SPEN: variants seen among roughly 807,000 people sequenced by gnomAD.
SPEN encodes spen family transcriptional repressor.
Under a neutral mutation model 269.9 loss-of-function variants are expected in SPEN, and 18 were observed. The observed-to-expected ratio is 0.07, with a 90% confidence interval of 0.05 to 0.10. SPEN has a LOEUF of 0.10. Among genes scored for constraint, SPEN ranks in the 10% least tolerant of loss-of-function variants. SPEN has a pLI of 1.00. For synonymous variants in SPEN, 1,726 were observed against 1,765.7 expected, an observed-to-expected ratio of 0.98 and a Z score of 0.56; for missense variants, 3,822 against 4,631.2, an observed-to-expected ratio of 0.83 and a Z score of 5.07.
Position 15,848,256 on chromosome 1 carries a change from G to T in SPEN, c.83+106G>T. ...GCGCGGAGCTGGTGAGGAGGACTCC[G>T]GCCCGGACCCACGGGCGCTGTGGGA... On this transcript the variant is annotated intron_variant, in intron 1 of 14. Transcript: ENST00000375759. This position sits in a 1 kb window ranked among gnomAD's most constrained non-coding sequence, Gnocchi z 5.1. The T allele has an allele frequency of 1.4e-6, 1 of 704,220 alleles. No individual in the cohort carries two copies. Among genetic ancestry groups the T allele is most frequent in the Non-Finnish European group, 2.0e-6 (1 of 490,202 alleles). 43.6% of individuals were successfully genotyped at this position (704,220 alleles called of 1,614,324 possible). A position where few individuals can be genotyped will look rare whatever the true frequency, so the allele number is the denominator to read the frequency against.
chr1:15,885,228 G>A (rs186187247), intron 3 of SPEN, among the ~76,000 whole-genome samples: 6 of 151,830 alleles, frequency 4.0e-5, no homozygotes, highest in Admixed American at 3.9e-4. Flanking sequence ...TTGAGATGGA[G>A]TCTCGCTCTG....
At chr1:15,856,749 A>G (rs10927868) in intron 1 of SPEN, among the ~76,000 whole-genome samples, 15,177 of 150,762 alleles carry the variant, frequency 0.1, 1,016 homozygotes, top group African/African-American at 0.18. Flanking sequence ...TGTGTTTTTA[A>G]TAGAGACGGG....
intron 3 of SPEN, among the ~76,000 whole-genome samples, chr1:15,898,042 C>G (rs1215228993): frequency 2.0e-5 from 3 of 152,088 alleles, no homozygotes; most frequent in Admixed American, 1.3e-4. Flanking sequence ...TGTGAGACCC[C>G]TTGATTGAGC....
chr1:15,934,073 T>C lies in SPEN; in HGVS notation c.7833T>C (p.Ala2611=). 6.2e-7 allele frequency: 1 copy of C among 1,610,602 alleles called. No individual in the cohort carries two copies. The highest frequency in any genetic ancestry group is 8.5e-7 in the Non-Finnish European group (1 of 1,177,256). Residue 2611 remains alanine, a synonymous_variant, in exon 11 of 15, where the codon GCT becomes GCC. Transcript: ENST00000375759. This position sits in a 1 kb window ranked among gnomAD's most constrained non-coding sequence, Gnocchi z 9.2. ...VLVAADKEKV[A]PVIAPKITSV... ...TAGCTGCTGACAAGGAAAAGGTGGCTCCAGTCATTGCTCCCAAAATTACCT... is the reference window on the plus strand; with the variant it reads ...TAGCTGCTGACAAGGAAAAGGTGGCCCCAGTCATTGCTCCCAAAATTACCT...
chr1:15,920,332 G>A (rs921817016), intron 8 of SPEN, among the ~76,000 whole-genome samples: 2 of 152,180 alleles, frequency 1.3e-5, no homozygotes, highest in Non-Finnish European at 2.9e-5. Context: ...GCCTCCTAAA[G>A]TGCTGAGATT....
Position 15,928,535 on chromosome 1 carries a change from C to T in SPEN, c.2295C>T (p.Ser765=). The T allele has an allele frequency of 6.2e-7, 1 of 1,614,130 alleles. No homozygotes were observed. Among genetic ancestry groups the T allele is most frequent in the Non-Finnish European group, 8.5e-7 (1 of 1,180,032 alleles). ...GCCGATCCTCAGACCGGAGTGGAAGCTGTAGCTCACTCTCCCCTCCAAGAT... is the reference window on the plus strand; with the variant it reads ...GCCGATCCTCAGACCGGAGTGGAAGTTGTAGCTCACTCTCCCCTCCAAGAT... ...LYSRSSDRSG[S]CSSLSPPRYE... is the part of the protein sequence containing the mutation. The change falls in exon 11 of 15, where the codon AGC becomes AGT. Residue 765 remains serine, a synonymous_variant. Transcript: ENST00000375759. The surrounding 1 kb of genome is among the most constrained non-coding windows in gnomAD (Gnocchi z 5.7).
rs766816330 is a variant in SPEN, at chr1:15,928,391, T to C, written c.2151T>C (p.His717=). The C allele has an allele frequency of 1.2e-6, 2 of 1,614,028 alleles. No homozygotes were observed. The highest frequency in any genetic ancestry group is 8.5e-7 in the Non-Finnish European group (1 of 1,179,988). Reference sequence around the variant, plus strand: ...TTGAGTCTGACCGGGACAGAGACCATGAGAGGAGGCCGATTGAACGAAGTC... The same window carrying C: ...TTGAGTCTGACCGGGACAGAGACCACGAGAGGAGGCCGATTGAACGAAGTC... ...ERFESDRDRD[H]ERRPIERSQS... The change falls in exon 11 of 15, where the codon CAT becomes CAC. Residue 717 remains histidine, a synonymous_variant. Coordinates refer to ENST00000375759, the MANE Select transcript of SPEN (RefSeq NM_015001.3). This position sits in a 1 kb window ranked among gnomAD's most constrained non-coding sequence, Gnocchi z 5.7.
intron 1 of SPEN, among the ~76,000 whole-genome samples, chr1:15,862,352 A>G (rs1270475397): frequency 6.6e-6 from 1 of 152,186 alleles, no homozygotes. Context: ...TATGAAAGCT[A>G]CTCATTAATT....
At position 15,935,283 on chromosome 1, in the gene SPEN, C is replaced by T. The variant is rs1384515929; in HGVS notation, c.9043C>T (p.His3015Tyr). Reference protein sequence around the residue: ...PSIPADRTVSHLAAAKLDAHS... With the variant: ...PSIPADRTVSYLAAAKLDAHS... ...CATCCCAGCAGATCGAACTGTCTCC[C>T]ATTTGGCAGCTGCAAAGCTAGATGC... is the stretch of plus-strand genomic sequence containing the variant. Residue 3015 changes from histidine to tyrosine, a missense_variant, in exon 11 of 15, where the codon CAT becomes TAT. Transcript: ENST00000375759. This position sits in a 1 kb window ranked among gnomAD's most constrained non-coding sequence, Gnocchi z 7.7. 7 of 1,614,162 alleles carry T rather than the reference C, an allele frequency of 4.3e-6. No individual in the cohort carries two copies. Among genetic ancestry groups the T allele is most frequent in the Non-Finnish European group, 5.9e-6 (7 of 1,180,024 alleles).
At chr1:15,922,409 A>C in intron 10 of SPEN, 60 bp downstream of exon 10, 1 of 1,162,004 alleles carries the variant, frequency 8.6e-7, no homozygotes, top group Non-Finnish European at 1.2e-6. Flanking sequence ...ACAGAAACTT[A>C]AGATGGCATT....
chr1:15,855,978 A>G (rs1045340513), intron 1 of SPEN, among the ~76,000 whole-genome samples: 1 of 145,540 alleles, frequency 6.9e-6, no homozygotes, highest in Non-Finnish European at 1.5e-5. Flanking sequence ...TTGTGTGAAA[A>G]GGATGCTAGA....
chr1:15,900,139 A>C (rs10754897), intron 3 of SPEN, among the ~76,000 whole-genome samples: 91,086 of 152,058 alleles, frequency 0.6, 27,660 homozygotes, highest in Admixed American at 0.67. Flanking sequence ...AGCCACCACC[A>C]CTGGCCTGTA....
intron 10 of SPEN, among the ~76,000 whole-genome samples, chr1:15,924,702 C>T (rs976684034): frequency 3.3e-5 from 5 of 152,158 alleles, no homozygotes; most frequent in South Asian, 2.1e-4. Flanking sequence ...TCAGGTGATC[C>T]GCCTGCCTCG....
At chr1:15,862,196 C>G (rs1195140939) in intron 1 of SPEN, among the ~76,000 whole-genome samples, 1 of 152,158 alleles carries the variant, frequency 6.6e-6, no homozygotes, top group African/African-American at 2.4e-5. Context: ...GTGTTTGGAT[C>G]AGCTTGCCTT....
chr1:15,935,326 G>A lies in SPEN; in HGVS notation c.9086G>A (p.Ser3029Asn). 1 of 1,614,068 alleles carries A rather than the reference G, an allele frequency of 6.2e-7. No individual in the cohort carries two copies. Among genetic ancestry groups the A allele is most frequent in the Non-Finnish European group, 8.5e-7 (1 of 1,180,000 alleles). Residue 3029 changes from serine (S) to asparagine (N), a missense_variant, in exon 11 of 15, where the codon AGT (serine) becomes AAT (asparagine). Transcript: ENST00000375759. The surrounding 1 kb of genome is among the most constrained non-coding windows in gnomAD (Gnocchi z 7.7). ...CTAGATGCTCATTCTCCTCGACCAA[G>A]TGGACCCGGGCCATCCTCATTCCCA... The part of the protein sequence containing the change: ...AKLDAHSPRP[S>N]GPGPSSFPRA...
intron 1 of SPEN, among the ~76,000 whole-genome samples, chr1:15,866,794 T>C (rs1482575907): frequency 6.6e-6 from 1 of 152,220 alleles, no homozygotes; most frequent in East Asian, 1.9e-4. Context: ...TCATCATATA[T>C]AACGTTCCTA....
At position 15,939,437 on chromosome 1, in the gene SPEN, T is replaced by C; in HGVS notation, c.*10T>C. Reference sequence around the variant, plus strand: ...CATTGCCTCCGTGTGAGCCACTGAGTGGTTATCACCTCAGTGAATCTTCCC... The same window carrying C: ...CATTGCCTCCGTGTGAGCCACTGAGCGGTTATCACCTCAGTGAATCTTCCC... On this transcript the variant is annotated 3_prime_UTR_variant, in exon 15 of 15. Coordinates refer to ENST00000375759, the MANE Select transcript of SPEN (RefSeq NM_015001.3). The surrounding 1 kb of genome is among the most constrained non-coding windows in gnomAD (Gnocchi z 4.1). 1 of 1,580,114 alleles carries C rather than the reference T, an allele frequency of 6.3e-7. No individual in the cohort carries two copies. Among genetic ancestry groups the C allele is most frequent in the Non-Finnish European group, 8.6e-7 (1 of 1,163,362 alleles).
At chr1:15,900,043 A>G (rs2070885556) in intron 3 of SPEN, among the ~76,000 whole-genome samples, 2 of 151,960 alleles carry the variant, frequency 1.3e-5, no homozygotes, top group South Asian at 4.2e-4. Context: ...ACTGGGTTTC[A>G]GCATATTGGT....
At chr1:15,871,837 G>A (rs1187422891) in intron 1 of SPEN, among the ~76,000 whole-genome samples, 1 of 152,080 alleles carries the variant, frequency 6.6e-6, no homozygotes, top group Non-Finnish European at 1.5e-5. Flanking sequence ...GCTATGTATA[G>A]TTTTTATTTT....
Sources: gnomAD v4.1 joint callset for allele counts (sites outside exome capture counted in the v4.1 genomes callset) on GRCh38, gnomAD v4.1.1 for gene constraint, Gnocchi (gnomAD v3.1) non-coding constraint, MANE v1.5 for transcripts, NCBI Gene and HGNC (gene_info 2026-07-23, HGNC 2026-07-21) for gene names.